KAZN: variants seen among roughly 807,000 people sequenced by gnomAD.
KAZN encodes the protein kazrin.
Under a neutral mutation model 87.4 loss-of-function variants are expected in KAZN, and 40 were observed. The observed-to-expected ratio is 0.46, with a 90% CI of 0.36 to 0.60. The LOEUF is 0.60. Among genes scored for constraint, KAZN ranks in the 20% least tolerant of loss-of-function variants. The pLI is 0.00. For synonymous variants in KAZN, 466 were observed against 458.3 expected, an observed-to-expected ratio of 1.02 and a Z score of -0.22; for missense variants, 898 against 1,073.9, an observed-to-expected ratio of 0.84 and a Z score of 2.29.
rs531010870 is a variant in KAZN, at chr1:14,859,386, C to T, written c.227-101298C>T. Among the ~76,000 whole-genome samples the T allele has an allele frequency of 2.5e-3, 374 of 152,202 alleles. 3 individuals are homozygous for T. The highest frequency in any genetic ancestry group is 4.1e-3 in the Non-Finnish European group (276 of 68,002). ...GAGGTGGGTGACTGGCCCACGGTCA[C>T]GCAGCAGGAAGTGGCAGAGCTGGGA... On this transcript the variant is annotated intron_variant, in intron 1 of 14. Coordinates refer to ENST00000376030, the MANE Select transcript of KAZN (RefSeq NM_201628.3).
intron 2 of KAZN, among the ~76,000 whole-genome samples, chr1:14,582,142 C>T (rs1459554356): frequency 6.9e-6 from 1 of 145,716 alleles, no homozygotes; most frequent in African/African-American, 2.4e-5. Flanking sequence ...CCCTATTTTA[C>T]AAGCAAAAAA....
At chr1:14,096,423 G>C (rs1253694664) in intron 1 of KAZN, among the ~76,000 whole-genome samples, 4 of 152,218 alleles carry the variant, frequency 2.6e-5, no homozygotes, top group Non-Finnish European at 5.9e-5. Flanking sequence ...AGGATACACT[G>C]ATGTTTAGGA....
chr1:14,424,998 A>G (rs1665640832), intron 2 of KAZN, among the ~76,000 whole-genome samples: 1 of 152,244 alleles, frequency 6.6e-6, no homozygotes, highest in Admixed American at 6.5e-5. Context: ...CACATAATGA[A>G]AAACATAAGT....
intron 8 of KAZN, among the ~76,000 whole-genome samples, chr1:15,079,108 G>A (rs1014186679): frequency 3.3e-5 from 5 of 152,118 alleles, no homozygotes; most frequent in African/African-American, 1.2e-4. Flanking sequence ...ACCTCACCCT[G>A]GTCTAGAGGC....
At chr1:14,916,729 C>G (rs2803388) in intron 1 of KAZN, among the ~76,000 whole-genome samples, 135,007 of 151,992 alleles carry the variant, frequency 0.89, 60,097 homozygotes, top group Non-Finnish European at 0.91. Flanking sequence ...TTGGGCAACA[C>G]AGTGAGACCC....
chr1:13,985,352 T>C (rs1319452861), intron 1 of KAZN, among the ~76,000 whole-genome samples: 2 of 151,828 alleles, frequency 1.3e-5, no homozygotes, highest in Non-Finnish European at 2.9e-5. Flanking sequence ...GTGGCACATA[T>C]ACACCATGGA....
chr1:14,562,294 A>T (rs1454557887), intron 2 of KAZN, among the ~76,000 whole-genome samples: 1 of 152,166 alleles, frequency 6.6e-6, no homozygotes, highest in East Asian at 1.9e-4. Context: ...GTGGAGGGAA[A>T]CCAATCTGAA....
intron 1 of KAZN, among the ~76,000 whole-genome samples, chr1:14,812,141 T>C (rs1377391439): frequency 6.6e-6 from 1 of 151,924 alleles, no homozygotes; most frequent in Non-Finnish European, 1.5e-5. Context: ...CTCAGAATAT[T>C]GAGGTAGCAT....
In KAZN at chr1:14,537,983, G is replaced by A. The variant is rs369257584; in HGVS notation, c.250-61000G>A. Among the ~76,000 whole-genome samples, 11 of 152,286 alleles carry A rather than the reference G, an allele frequency of 7.2e-5. No homozygotes were observed. The South Asian group carries it at 1.9e-3, about 26-fold the overall frequency. ...AAAGAGACATCTGGGAAATCCAAGG[G>A]CAGGCATCTTTGGGTGGGGACAAAG... is the stretch of plus-strand genomic sequence containing the variant. On this transcript the variant is annotated intron_variant, in intron 2 of 16. Coordinates refer to the KAZN transcript ENST00000636203.
chr1:15,027,407 C>T lies in KAZN; in HGVS notation c.419-7342C>T, dbSNP rs147866316. 2.0e-5 allele frequency among the ~76,000 whole-genome samples: 3 copies of T among 152,300 alleles called. No individual in the cohort carries two copies. In the East Asian group the frequency reaches 5.8e-4, roughly 29 times the overall value. On this transcript the variant is annotated intron_variant, in intron 2 of 14. Coordinates refer to ENST00000376030, the MANE Select transcript of KAZN (RefSeq NM_201628.3). ...AAGCCAGTGCTTCTAACTCAGCTGC[C>T]TTGGCCTAAGAGTTGGGAGACCTCA...
rs947436740 is a variant in KAZN at position 15,099,262 on chromosome 1, T to C, written c.1548-2281T>C. Among the ~76,000 whole-genome samples, 1 of 152,194 alleles carries C rather than the reference T, an allele frequency of 6.6e-6. No individual in the cohort carries two copies. The highest frequency in any genetic ancestry group is 1.5e-5 in the Non-Finnish European group (1 of 68,036). On this transcript the variant is annotated intron_variant, in intron 10 of 14. Transcript: ENST00000376030. This position sits in a 1 kb window ranked among gnomAD's most constrained non-coding sequence, Gnocchi z 5.4. ...ATTATTCCAGGAAGCATTCAATCAGTGTCTACTGTGCACGTAGACTGTGCT... is the reference window on the plus strand; with the variant it reads ...ATTATTCCAGGAAGCATTCAATCAGCGTCTACTGTGCACGTAGACTGTGCT...
chr1:14,500,277 G>A (rs759237427), intron 2 of KAZN, among the ~76,000 whole-genome samples: 1 of 152,090 alleles, frequency 6.6e-6, no homozygotes, highest in Admixed American at 6.6e-5. Flanking sequence ...AGCCAGAGCC[G>A]TGCTGCAGTG....
chr1:14,442,303 C>T (rs1005363681), intron 2 of KAZN, among the ~76,000 whole-genome samples: 2 of 152,204 alleles, frequency 1.3e-5, no homozygotes, highest in Non-Finnish European at 2.9e-5. Flanking sequence ...GACCAAATGC[C>T]TGATATGCTA....
At chr1:14,414,112 G>T (rs775209128) in intron 2 of KAZN, among the ~76,000 whole-genome samples, 48 of 152,138 alleles carry the variant, frequency 3.2e-4, no homozygotes, top group Non-Finnish European at 6.2e-4. Context: ...AATTAAAAAT[G>T]ACAACATCAA....
intron 3 of KAZN, among the ~76,000 whole-genome samples, chr1:15,043,149 A>G (rs907568874): frequency 2.6e-5 from 4 of 152,204 alleles, no homozygotes; most frequent in African/African-American, 7.2e-5. Flanking sequence ...TTCAGGACAC[A>G]GCAACTGTTT....
chr1:14,137,796 C>T (rs542429268), intron 1 of KAZN, among the ~76,000 whole-genome samples: 37 of 142,828 alleles, frequency 2.6e-4, no homozygotes, highest in African/African-American at 9.6e-4. Context: ...GCAACCTCCT[C>T]TTCCTGGGTT....
chr1:14,715,640 A>T (rs1398284071), intron 1 of KAZN, among the ~76,000 whole-genome samples: 1 of 152,024 alleles, frequency 6.6e-6, no homozygotes, highest in African/African-American at 2.4e-5. Context: ...GGACCATATC[A>T]CCTCTTAGGG....
intron 1 of KAZN, among the ~76,000 whole-genome samples, chr1:14,908,477 G>A (rs1201173894): frequency 1.3e-5 from 2 of 152,180 alleles, no homozygotes; most frequent in African/African-American, 2.4e-5. Context: ...GGAAGGCAGA[G>A]GTTGCGGTGA....
intron 2 of KAZN, among the ~76,000 whole-genome samples, chr1:14,973,011 A>C (rs1190481098): frequency 6.6e-6 from 1 of 151,770 alleles, no homozygotes; most frequent in Non-Finnish European, 1.5e-5. Context: ...TTCTCTTCAC[A>C]TTATCCCCAG....
Sources: gnomAD v4.1 joint callset for allele counts (sites outside exome capture counted in the v4.1 genomes callset) on GRCh38, gnomAD v4.1.1 for gene constraint, Gnocchi (gnomAD v3.1) non-coding constraint, MANE v1.5 for transcripts, NCBI Gene and HGNC (gene_info 2026-07-23, HGNC 2026-07-21) for gene names.